The following CPE variants were observed in gnomAD, a reference collection of about 807,000 sequenced individuals.
CPE encodes carboxypeptidase E.
Under a neutral mutation model 53.5 loss-of-function variants are expected in CPE, and 17 were observed. The observed-to-expected ratio is 0.32, with a 90% CI of 0.22 to 0.48. The LOEUF is 0.48. Among genes scored for constraint, CPE ranks in the 20% least tolerant of loss-of-function variants. CPE has a pLI of 0.99. For synonymous variants in CPE, 226 were observed against 228.8 expected (o/e 0.99, Z 0.11); for missense variants, 524 against 614.7 (o/e 0.85, Z 1.56).
chr4:165,419,865 G>A (rs1731178874), intron 1 of CPE, among the ~76,000 whole-genome samples: 1 of 152,132 alleles, frequency 6.6e-6, no homozygotes. Context: ...TTTATTGTAT[G>A]GTGGTATTTA....
At chr4:165,438,939 A>G (rs755905680) in intron 1 of CPE, among the ~76,000 whole-genome samples, 13 of 152,248 alleles carry the variant, frequency 8.5e-5, no homozygotes, top group Admixed American at 6.5e-4. Flanking sequence ...CCCCTTTAAT[A>G]TTGGGCAGGC....
intron 1 of CPE, among the ~76,000 whole-genome samples, chr4:165,380,027 C>G (rs1051047069): frequency 1.3e-5 from 2 of 150,998 alleles, no homozygotes; most frequent in Non-Finnish European, 2.9e-5. Context: ...GAGAAAGAGT[C>G]ATTTATCATG....
chr4:165,393,154 A>G (rs1419727351), intron 1 of CPE, among the ~76,000 whole-genome samples: 1 of 152,112 alleles, frequency 6.6e-6, no homozygotes, highest in Non-Finnish European at 1.5e-5. Flanking sequence ...TATGTTTTGT[A>G]AAAACTCACA....
At chr4:165,381,593 A>G (rs537429450) in intron 1 of CPE, 1 of 206,810 alleles carries the variant, frequency 4.8e-6, no homozygotes, top group East Asian at 1.4e-4. Context: ...CTAATAGAAT[A>G]CAAAATGTCT....
Position 165,489,866 on chromosome 4 carries a change from C to T in CPE, c.1113+2289C>T, listed in dbSNP as rs572299390. On this transcript the variant is annotated intron_variant, in intron 6 of 8. Coordinates refer to ENST00000402744, the MANE Select transcript of CPE (RefSeq NM_001873.4). ...AGTTATACAATCCTATTTTATGCCA[C>T]GCAAAATAAGAATTTGCTCTGTCCA... Among the ~76,000 whole-genome samples the T allele has an allele frequency of 7.4e-4, 112 of 152,264 alleles. 1 individual carries two copies. The highest frequency in any genetic ancestry group is 6.8e-3 in the Middle Eastern group (2 of 294).
rs140608943 is a variant in CPE at position 165,491,223 on chromosome 4, C to A, written c.1114-1948C>A. On this transcript the variant is annotated intron_variant, in intron 6 of 8. Transcript: ENST00000402744. The stretch of plus-strand genomic sequence containing the variant: ...TGAATATTAACCTAATATATTTCTG[C>A]CTAATACAGGCAAATAATATGTTCT... Among the ~76,000 whole-genome samples the A allele has an allele frequency of 2.8e-3, 426 of 152,280 alleles. 2 individuals carry two copies. The highest frequency in any genetic ancestry group is 8.6e-3 in the African/African-American group (358 of 41,556).
At chr4:165,447,157 C>T (rs995813848) in intron 1 of CPE, among the ~76,000 whole-genome samples, 5 of 152,180 alleles carry the variant, frequency 3.3e-5, no homozygotes, top group African/African-American at 1.2e-4. Flanking sequence ...GACTGTAGGA[C>T]TGAAAGTTGC....
intron 3 of CPE, among the ~76,000 whole-genome samples, chr4:165,475,344 C>T (rs1378409711): frequency 6.6e-6 from 1 of 152,206 alleles, no homozygotes; most frequent in African/African-American, 2.4e-5. Context: ...CAATTTGTAT[C>T]TATCCTGGCA....
intron 1 of CPE, among the ~76,000 whole-genome samples, chr4:165,420,280 A>G (rs954230894): frequency 3.9e-5 from 6 of 152,166 alleles, no homozygotes; most frequent in African/African-American, 1.2e-4. Context: ...TGAATGTTTT[A>G]TAACTTTTGT....
At chr4:165,479,855 G>A (rs1215983621) in intron 3 of CPE, among the ~76,000 whole-genome samples, 1 of 152,060 alleles carries the variant, frequency 6.6e-6, no homozygotes, top group Non-Finnish European at 1.5e-5. Context: ...AGCCAGGTGT[G>A]GTGGCAGGCA....
At chr4:165,496,017 G>GA (rs908995076) in intron 8 of CPE, among the ~76,000 whole-genome samples, 45 of 149,472 alleles carry the variant, frequency 3.0e-4, no homozygotes, top group Admixed American at 2.2e-3. Flanking sequence ...ATAAGTATTT[G>GA]AAAAAAAAAT....
intron 1 of CPE, among the ~76,000 whole-genome samples, chr4:165,413,337 G>A (rs557089364): frequency 6.6e-6 from 1 of 152,318 alleles, no homozygotes; most frequent in South Asian, 2.1e-4. Flanking sequence ...GGGGGATAGA[G>A]AACGGGAATC....
intron 3 of CPE, among the ~76,000 whole-genome samples, chr4:165,474,976 C>A (rs1431593494): frequency 6.6e-6 from 1 of 152,148 alleles, no homozygotes; most frequent in Non-Finnish European, 1.5e-5. Flanking sequence ...GGTCTTGGTG[C>A]ATGTTAAGAA....
Position 165,379,044 on chromosome 4 carries a change from T to C in CPE, c.-178T>C, listed in dbSNP as rs531555316. On this transcript the variant is annotated 5_prime_UTR_variant, in exon 1 of 9. Transcript: ENST00000402744. The surrounding 1 kb of genome is among the most constrained non-coding windows in gnomAD (Gnocchi z 6.0). The stretch of plus-strand genomic sequence containing the variant: ...CCGTGGAGCCGCGGCTTTGCCCGTC[T>C]CCTCTGGGTGGCCCCAGTGCGCGGG... 395 of 476,038 alleles carry C rather than the reference T, an allele frequency of 8.3e-4. 6 individuals are homozygous for C. The highest frequency in any genetic ancestry group is 7.2e-3 in the African/African-American group (351 of 49,038). The allele number at this position is 476,038 out of a possible 1,614,324, so 29.5% of individuals were successfully genotyped here. A position where few individuals can be genotyped will look rare whatever the true frequency, so the allele number is the denominator to read the frequency against.
intron 5 of CPE, among the ~76,000 whole-genome samples, chr4:165,486,188 G>A (rs1579283057): frequency 1.4e-5 from 2 of 143,452 alleles, no homozygotes; most frequent in East Asian, 4.2e-4. Flanking sequence ...GCTCCCATCA[G>A]CAATTCTCTG....
intron 1 of CPE, among the ~76,000 whole-genome samples, chr4:165,390,022 A>T (rs754890272): frequency 6.6e-6 from 1 of 152,196 alleles, no homozygotes; most frequent in Non-Finnish European, 1.5e-5. Flanking sequence ...AATGACACAC[A>T]TATTAGATCT....
chr4:165,428,056 C>A (rs1321391943), intron 1 of CPE, among the ~76,000 whole-genome samples: 1 of 151,762 alleles, frequency 6.6e-6, no homozygotes, highest in Non-Finnish European at 1.5e-5. Context: ...TATAGACAAG[C>A]TTTTGCTCTG....
chr4:165,461,192 G>GAAAAAGAA (rs1553976646), intron 1 of CPE, among the ~76,000 whole-genome samples: 2 of 97,374 alleles, frequency 2.1e-5, no homozygotes, highest in African/African-American at 3.9e-5. Flanking sequence ...AAAAAAGAAA[G>GAAAAAGAA]AAAGAAAAGA....
At chr4:165,432,255 AC>A (rs1731424891) in intron 1 of CPE, among the ~76,000 whole-genome samples, 1 of 152,212 alleles carries the variant, frequency 6.6e-6, no homozygotes, top group African/African-American at 2.4e-5. Context: ...GCAAGAAGAC[AC>A]TGCACAAAGA....
Sources: gnomAD v4.1 joint callset for allele counts (sites outside exome capture counted in the v4.1 genomes callset) on GRCh38, gnomAD v4.1.1 for gene constraint, Gnocchi (gnomAD v3.1) non-coding constraint, MANE v1.5 for transcripts, NCBI Gene and HGNC (gene_info 2026-07-23, HGNC 2026-07-21) for gene names.